Variants in MAGI3 observed in about 807,000 individuals in gnomAD.
The protein encoded by MAGI3 is membrane associated guanylate kinase, WW and PDZ domain containing 3.
In MAGI3, 43 loss-of-function variants were observed where a neutral mutation model predicts 121.8. That is an observed-to-expected ratio of 0.35 (90% CI 0.28 to 0.46). The LOEUF (loss-of-function observed/expected upper bound fraction) is 0.46. Among genes scored for constraint, MAGI3 ranks in the 20% least tolerant of loss-of-function variants. The pLI is 1.00. For synonymous variants in MAGI3, 553 were observed against 639.3 expected (o/e 0.86, Z 2.04); for missense variants, 1,547 against 1,797.3 (o/e 0.86, Z 2.52).
intron 3 of MAGI3, among the ~76,000 whole-genome samples, chr1:113,582,345 A>G (rs1360069739): frequency 2.0e-5 from 3 of 152,112 alleles, no homozygotes; most frequent in African/African-American, 4.8e-5. Context: ...AATATTTGTT[A>G]TAGTGTGAAA....
At chr1:113,681,834 G>A (rs1160485697) in intron 20 of MAGI3, among the ~76,000 whole-genome samples, 1 of 152,224 alleles carries the variant, frequency 6.6e-6, no homozygotes, top group East Asian at 1.9e-4. Flanking sequence ...GAGACAGGGA[G>A]TTGGACCTGA....
Position 113,594,555 on chromosome 1 carries a change from A to T in MAGI3, c.1013A>T (p.Asp338Val). ...GCCAAAGCCCCTGAAGACTGTGAAGATGGAGGTAGAGATTCAGAAACTTAC... is the reference window on the plus strand; with the variant it reads ...GCCAAAGCCCCTGAAGACTGTGAAGTTGGAGGTAGAGATTCAGAAACTTAC... ...KKAKAPEDCE[D>V]GELPYGWEKI... The change falls in exon 6 of 21, where the codon GAT (aspartate) becomes GTT (valine). Residue 338 changes from aspartate to valine, a missense_variant. Transcript: ENST00000307546. 1 of 1,610,840 alleles carries T rather than the reference A, an allele frequency of 6.2e-7. No individual in the cohort carries two copies. Among genetic ancestry groups the T allele is most frequent in the South Asian group, 1.1e-5 (1 of 90,448 alleles).
At position 113,391,524 on chromosome 1, in the gene MAGI3, C is replaced by A. The variant is rs578048948; in HGVS notation, c.316+175C>A. On this transcript the variant is annotated intron_variant, in intron 1 of 20. Coordinates refer to ENST00000307546, the MANE Select transcript of MAGI3 (RefSeq NM_001142782.2). This position sits in a 1 kb window ranked among gnomAD's most constrained non-coding sequence, Gnocchi z 4.4. ...GTGGCGTTGGTGAGTCCCATTTTGC[C>A]GAAGGGAAAACTGAGCTCTGGCTTG... Among the ~76,000 whole-genome samples the A allele has an allele frequency of 6.6e-6, 1 of 152,052 alleles. No individual in the cohort carries two copies. Among genetic ancestry groups the A allele is most frequent in the South Asian group, 2.1e-4 (1 of 4,822 alleles).
At chr1:113,509,490 C>T (rs1480903395) in intron 1 of MAGI3, among the ~76,000 whole-genome samples, 1 of 134,790 alleles carries the variant, frequency 7.4e-6, no homozygotes, top group Non-Finnish European at 1.6e-5. Context: ...ATCCATGACA[C>T]CTTGATAGAA....
At chr1:113,535,196 C>A (rs901756894) in intron 1 of MAGI3, among the ~76,000 whole-genome samples, 1 of 151,734 alleles carries the variant, frequency 6.6e-6, no homozygotes, top group Non-Finnish European at 1.5e-5. Flanking sequence ...TATTGTTTGC[C>A]TCAAAGATTA....
At chr1:113,504,392 G>A (rs535411561) in intron 1 of MAGI3, among the ~76,000 whole-genome samples, 2 of 152,068 alleles carry the variant, frequency 1.3e-5, no homozygotes, top group Non-Finnish European at 2.9e-5. Flanking sequence ...AATGGATAAT[G>A]GGCAAAGGAT....
chr1:113,667,351 C>T (rs899615424), intron 16 of MAGI3, among the ~76,000 whole-genome samples: 2 of 152,238 alleles, frequency 1.3e-5, no homozygotes, highest in Non-Finnish European at 2.9e-5. Context: ...GCTTCTGTAT[C>T]AGCACTTGCT....
chr1:113,405,811 C>G (rs1022933701), intron 1 of MAGI3, among the ~76,000 whole-genome samples: 17 of 152,006 alleles, frequency 1.1e-4, no homozygotes, highest in African/African-American at 4.1e-4. Flanking sequence ...CTCTGCTTTC[C>G]AAAGAAAAAA....
At chr1:113,585,626 G>T in intron 4 of MAGI3, 30 bp downstream of exon 4, 1 of 1,552,318 alleles carries the variant, frequency 6.4e-7, no homozygotes, top group Non-Finnish European at 8.8e-7. Context: ...ACTTCTAACT[G>T]ATCTTCTAGA....
At chr1:113,599,363 T>C (rs1037188806) in intron 6 of MAGI3, among the ~76,000 whole-genome samples, 2 of 151,626 alleles carry the variant, frequency 1.3e-5, no homozygotes, top group Admixed American at 6.6e-5. Flanking sequence ...ATCAAATAGA[T>C]GCAATAAAAA....
intron 1 of MAGI3, among the ~76,000 whole-genome samples, chr1:113,424,903 G>C (rs1449232429): frequency 6.6e-6 from 1 of 152,172 alleles, no homozygotes; most frequent in Admixed American, 6.5e-5. Context: ...GGGGGCCAAG[G>C]TGGGTGGATC....
chr1:113,527,007 C>T (rs1239042912), intron 1 of MAGI3, among the ~76,000 whole-genome samples: 5 of 152,126 alleles, frequency 3.3e-5, no homozygotes, highest in Non-Finnish European at 7.3e-5. Flanking sequence ...AAACAGTACT[C>T]ATTTTATAGG....
intron 1 of MAGI3, among the ~76,000 whole-genome samples, chr1:113,523,831 A>G (rs1285040982): frequency 6.6e-6 from 1 of 152,198 alleles, no homozygotes; most frequent in African/African-American, 2.4e-5. Flanking sequence ...CCAAATGTTA[A>G]TCCCCAAGTC....
At chr1:113,600,646 C>G (rs1322419642) in intron 6 of MAGI3, among the ~76,000 whole-genome samples, 2 of 150,722 alleles carry the variant, frequency 1.3e-5, no homozygotes, top group African/African-American at 2.4e-5. Flanking sequence ...GCCGTATTGC[C>G]CAAGGTAATT....
At chr1:113,394,541 A>G (rs1473420086) in intron 1 of MAGI3, among the ~76,000 whole-genome samples, 3 of 152,178 alleles carry the variant, frequency 2.0e-5, no homozygotes, top group African/African-American at 4.8e-5. Context: ...TGATTTTACT[A>G]CAGAGTATAT....
chr1:113,427,987 A>G (rs964755865), intron 1 of MAGI3, among the ~76,000 whole-genome samples: 3 of 152,078 alleles, frequency 2.0e-5, no homozygotes, highest in Admixed American at 6.5e-5. Flanking sequence ...TTGAGGCATT[A>G]AAGTATATAC....
intron 2 of MAGI3, among the ~76,000 whole-genome samples, chr1:113,559,236 C>A (rs186122833): frequency 6.6e-6 from 1 of 152,144 alleles, no homozygotes; most frequent in Admixed American, 6.5e-5. Context: ...GCTAAATGCC[C>A]CAATTAAAAG....
At chr1:113,426,954 CTA>C (rs113326366) in intron 1 of MAGI3, among the ~76,000 whole-genome samples, 124 of 149,454 alleles carry the variant, frequency 8.3e-4, no homozygotes, top group Non-Finnish European at 1.2e-3. Flanking sequence ...CTGTATCTAT[CTA>C]TATATATATA....
At chr1:113,466,254 A>G (rs370575319) in intron 1 of MAGI3, among the ~76,000 whole-genome samples, 2 of 152,138 alleles carry the variant, frequency 1.3e-5, no homozygotes, top group African/African-American at 4.8e-5. Flanking sequence ...AAATAATCAT[A>G]GGGTTTTTGT....
Sources: allele counts gnomAD v4.1 joint callset (sites outside exome capture counted in the v4.1 genomes callset), GRCh38; gene constraint gnomAD v4.1.1; non-coding constraint Gnocchi (gnomAD v3.1); transcripts MANE v1.5; gene names NCBI Gene and HGNC (gene_info 2026-07-23, HGNC 2026-07-21).